The following SEPTIN11 variants were observed in gnomAD, a reference collection of about 807,000 sequenced individuals.
SEPTIN11 encodes septin-11.
Under a neutral mutation model 51.4 loss-of-function variants are expected in SEPTIN11, and 25 were observed. The ratio of observed to expected loss-of-function variants is 0.49; its 90% CI spans 0.35 to 0.68. SEPTIN11 has a LOEUF of 0.68. Ranked by LOEUF, SEPTIN11 falls within the 30% of genes least tolerant of loss-of-function variation. SEPTIN11 has a pLI of 0.00. For missense variants in SEPTIN11, 381 were observed against 520.8 expected, an observed-to-expected ratio of 0.73 and a Z score of 2.61; for synonymous variants, 174 against 184.1, an observed-to-expected ratio of 0.95 and a Z score of 0.44.
chr4:76,971,164 A>G (rs1722222943), intron 1 of SEPTIN11, among the ~76,000 whole-genome samples: 1 of 152,214 alleles, frequency 6.6e-6, no homozygotes, highest in African/African-American at 2.4e-5. Flanking sequence ...CTACTGTGGA[A>G]TTGTTTAATG....
intron 5 of SEPTIN11, among the ~76,000 whole-genome samples, chr4:77,018,448 CAA>C (rs35058632): frequency 8.0e-4 from 106 of 131,732 alleles, no homozygotes; most frequent in Admixed American, 9.4e-4. Flanking sequence ...GACTCCATCT[CAA>C]AAAAAAAAAA....
Position 77,037,712 on chromosome 4 carries a change from T to C in SEPTIN11, c.*3200T>C. 1 of 985,820 alleles carries C rather than the reference T, an allele frequency of 1.0e-6. No individual in the cohort carries two copies. Among genetic ancestry groups the C allele is most frequent in the Non-Finnish European group, 1.2e-6 (1 of 829,902 alleles). 61.1% of individuals were successfully genotyped at this position (985,820 alleles called of 1,614,324 possible). A position where few individuals can be genotyped will look rare whatever the true frequency, so the allele number is the denominator to read the frequency against. The stretch of plus-strand genomic sequence containing the variant: ...CTGAACTTTAGATCTCCATAACACA[T>C]GTACTGTAGAATGTGATGGAAAAGC... On this transcript the variant is annotated 3_prime_UTR_variant, in exon 10 of 10. Coordinates refer to ENST00000264893, the MANE Select transcript of SEPTIN11 (RefSeq NM_018243.4).
At chr4:76,977,788 CTA>C (rs1722571654) in intron 1 of SEPTIN11, among the ~76,000 whole-genome samples, 1 of 150,202 alleles carries the variant, frequency 6.7e-6, no homozygotes, top group African/African-American at 2.5e-5. Context: ...CTTGCACATA[CTA>C]GGTAGAGATA....
At chr4:76,950,404 G>T (rs1721280327) in intron 1 of SEPTIN11, among the ~76,000 whole-genome samples, 1 of 152,222 alleles carries the variant, frequency 6.6e-6, no homozygotes, top group Non-Finnish European at 1.5e-5. Flanking sequence ...GGATTTCCGT[G>T]GTGGCCTCCC....
intron 5 of SEPTIN11, among the ~76,000 whole-genome samples, chr4:77,016,633 C>CATATATATATATATATATAT (rs1234653472): frequency 0.051 from 3,677 of 71,940 alleles, 261 homozygotes; most frequent in Non-Finnish European, 0.06. Flanking sequence ...TATATATACA[C>CATATATATATATATATATAT]ATATATATAT....
At chr4:76,968,474 A>G (rs1722118055) in intron 1 of SEPTIN11, among the ~76,000 whole-genome samples, 3 of 152,150 alleles carry the variant, frequency 2.0e-5, no homozygotes, top group Admixed American at 6.5e-5. Context: ...TCTACGAACT[A>G]TTAGTGACAA....
intron 1 of SEPTIN11, among the ~76,000 whole-genome samples, chr4:76,976,831 A>T (rs1722525866): frequency 6.6e-6 from 1 of 152,138 alleles, no homozygotes; most frequent in Non-Finnish European, 1.5e-5. Flanking sequence ...TTCCTCAATG[A>T]CCCTTCTCCA....
At chr4:76,978,489 A>T (rs1239216344) in intron 1 of SEPTIN11, among the ~76,000 whole-genome samples, 5 of 151,926 alleles carry the variant, frequency 3.3e-5, no homozygotes, top group Non-Finnish European at 7.4e-5. Flanking sequence ...ACTTTTCTAG[A>T]CTCCCAGGCT....
chr4:76,986,169 A>T (rs1007490910), intron 1 of SEPTIN11, among the ~76,000 whole-genome samples: 9 of 152,176 alleles, frequency 5.9e-5, no homozygotes, highest in African/African-American at 1.9e-4. Flanking sequence ...AAGAGGGTGG[A>T]GGTCTATAAC....
At chr4:76,977,180 A>G (rs180820146) in intron 1 of SEPTIN11, among the ~76,000 whole-genome samples, 1 of 152,050 alleles carries the variant, frequency 6.6e-6, no homozygotes, top group Non-Finnish European at 1.5e-5. Flanking sequence ...GTTTGATTTT[A>G]GAATGCTCTC....
At chr4:76,972,025 A>G (rs1370491631) in intron 1 of SEPTIN11, among the ~76,000 whole-genome samples, 1 of 152,194 alleles carries the variant, frequency 6.6e-6, no homozygotes, top group African/African-American at 2.4e-5. Flanking sequence ...ACGATCCCCA[A>G]CTACCATGAC....
downstream of SEPTIN11, chr4:77,039,306 T>C (rs941905090): frequency 9.2e-7 from 1 of 1,087,774 alleles, no homozygotes; most frequent in Non-Finnish European, 1.1e-6. Flanking sequence ...AATAGTCATA[T>C]TCAATAATAT....
chr4:77,005,730 A>G lies in SEPTIN11; in HGVS notation c.272A>G (p.Asn91Ser), dbSNP rs189107905. ...KARSYELQES[N>S]VRLKLTIVDT... ...AGAAGTTATGAGCTTCAGGAAAGCAATGTACGGCTGAAGTTAACCATTGTT... is the reference window on the plus strand; with the variant it reads ...AGAAGTTATGAGCTTCAGGAAAGCAGTGTACGGCTGAAGTTAACCATTGTT... Residue 91 changes from asparagine to serine, a missense_variant, in exon 3 of 10, where the codon AAT (asparagine) becomes AGT (serine). Coordinates refer to ENST00000264893, the MANE Select transcript of SEPTIN11 (RefSeq NM_018243.4). 9 of 1,614,086 alleles carry G rather than the reference A, an allele frequency of 5.6e-6. No homozygotes were observed. The highest frequency in any genetic ancestry group is 2.2e-5 in the East Asian group (1 of 44,868).
At chr4:77,012,385 TC>T (rs1326946671) in intron 4 of SEPTIN11, among the ~76,000 whole-genome samples, 2 of 152,222 alleles carry the variant, frequency 1.3e-5, no homozygotes, top group East Asian at 3.8e-4. Context: ...TTCAGTGTGA[TC>T]CCTGAGCTTG....
rs1195297439 is a variant in SEPTIN11, at chr4:77,020,632, G to A, written c.915G>A (p.Met305Ile). The change falls in exon 7 of 10, where the codon ATG (methionine) becomes ATA (isoleucine). Residue 305 changes from methionine (M) to isoleucine (I), a missense_variant. Transcript: ENST00000264893. ...ELYRRCKLEE[M>I]GFKDTDPDSK... is the part of the protein sequence containing the mutation. ...ACCGACGCTGTAAGCTTGAAGAGAT[G>A]GGGTTCAAGGACACTGACCCTGACA... The A allele has an allele frequency of 6.2e-7, 1 of 1,614,066 alleles. No homozygotes were observed. The highest frequency in any genetic ancestry group is 1.1e-5 in the South Asian group (1 of 91,072).
At chr4:77,000,276 AAGGCT>A (rs774310892) in intron 2 of SEPTIN11, among the ~76,000 whole-genome samples, 2 of 152,272 alleles carry the variant, frequency 1.3e-5, no homozygotes, top group African/African-American at 2.4e-5. Context: ...CATCTTAGCC[AAGGCT>A]ATAGTGTCAA....
chr4:76,992,267 C>T (rs1250868677), intron 1 of SEPTIN11, among the ~76,000 whole-genome samples: 3 of 152,194 alleles, frequency 2.0e-5, no homozygotes, highest in Admixed American at 6.5e-5. Context: ...CAATTTCCAC[C>T]TCTTAAGGTT....
intron 1 of SEPTIN11, among the ~76,000 whole-genome samples, chr4:76,971,563 A>ATTAGAT (rs142726124): frequency 3.3e-5 from 5 of 151,668 alleles, no homozygotes; most frequent in Non-Finnish European, 7.4e-5. Flanking sequence ...TTAGCTTAAG[A>ATTAGAT]TTAGATTTAG....
intron 1 of SEPTIN11, among the ~76,000 whole-genome samples, chr4:76,952,306 A>G (rs1271928337): frequency 2.0e-5 from 3 of 152,342 alleles, no homozygotes; most frequent in Non-Finnish European, 4.4e-5. Flanking sequence ...GAGGGAAAAG[A>G]ACCACTCCGA....
Sources: gnomAD v4.1 joint callset for allele counts (sites outside exome capture counted in the v4.1 genomes callset) on GRCh38, gnomAD v4.1.1 for gene constraint, MANE v1.5 for transcripts, NCBI Gene and HGNC (gene_info 2026-07-23, HGNC 2026-07-21) for gene names.